MAGI2: variants seen among roughly 807,000 people sequenced by gnomAD.
The protein encoded by MAGI2 is membrane associated guanylate kinase, WW and PDZ domain containing 2.
In MAGI2, 35 loss-of-function variants were observed where a neutral mutation model predicts 133.3. The ratio of observed to expected loss-of-function variants is 0.26; its 90% CI spans 0.20 to 0.35. MAGI2 has a LOEUF of 0.35. Among genes scored for constraint, MAGI2 ranks in the 10% least tolerant of loss-of-function variants. MAGI2 has a pLI of 1.00. For missense variants in MAGI2, 1,636 were observed against 1,863.4 expected (o/e 0.88, Z 2.25); for synonymous variants, 729 against 710.6 (o/e 1.03, Z -0.41).
At chr7:79,174,559 AT>A (rs1292448604) in intron 1 of MAGI2, among the ~76,000 whole-genome samples, 2 of 151,140 alleles carry the variant, frequency 1.3e-5, no homozygotes, top group South Asian at 2.1e-4. Context: ...TTGGCAATCA[AT>A]TTTTTTTTAA....
At chr7:78,588,564 C>T (rs1239592120) in intron 3 of MAGI2, among the ~76,000 whole-genome samples, 1 of 152,182 alleles carries the variant, frequency 6.6e-6, no homozygotes, top group Admixed American at 6.5e-5. Context: ...CAGGTGCATT[C>T]ATGCCCAACC....
At chr7:79,007,027 T>C (rs1807523274) in intron 2 of MAGI2, 63 bp downstream of exon 2, 2 of 1,178,676 alleles carry the variant, frequency 1.7e-6, no homozygotes, top group East Asian at 2.6e-5. Context: ...TTTTAATCAA[T>C]GAATATATAG....
intron 1 of MAGI2, among the ~76,000 whole-genome samples, chr7:79,228,370 A>T (rs1831057452): frequency 6.8e-6 from 1 of 147,256 alleles, no homozygotes; most frequent in Non-Finnish European, 1.5e-5. Flanking sequence ...AAAAAAAAAA[A>T]GATCGTGGGA....
intron 1 of MAGI2, among the ~76,000 whole-genome samples, chr7:79,276,801 A>C (rs1336179197): frequency 6.6e-6 from 1 of 152,014 alleles, no homozygotes; most frequent in Non-Finnish European, 1.5e-5. Context: ...TCATCTTTAC[A>C]AAAAAATTCA....
chr7:78,393,930 A>G (rs747020632), intron 6 of MAGI2, among the ~76,000 whole-genome samples: 13 of 152,232 alleles, frequency 8.5e-5, no homozygotes, highest in Non-Finnish European at 1.9e-4. Flanking sequence ...TGGTAAACAT[A>G]AATGATTTTT....
intron 2 of MAGI2, among the ~76,000 whole-genome samples, chr7:78,957,810 C>T (rs867694444): frequency 6.6e-6 from 1 of 152,262 alleles, no homozygotes; most frequent in South Asian, 2.1e-4. Flanking sequence ...GTTGCTACCT[C>T]TCAACATGTA....
chr7:78,556,904 T>C (rs1038309661), intron 3 of MAGI2, among the ~76,000 whole-genome samples: 21 of 145,656 alleles, frequency 1.4e-4, no homozygotes, highest in Admixed American at 1.1e-3. Flanking sequence ...CTGGCTAACA[T>C]GGTGAAACCC....
chr7:78,623,697 G>C (rs563900227), intron 3 of MAGI2, among the ~76,000 whole-genome samples: 1 of 152,220 alleles, frequency 6.6e-6, no homozygotes, highest in Admixed American at 6.6e-5. Flanking sequence ...AATGCTAATG[G>C]AAGAGATTTT....
chr7:78,114,526 A>G (rs1819667817), intron 20 of MAGI2, among the ~76,000 whole-genome samples: 1 of 152,222 alleles, frequency 6.6e-6, no homozygotes, highest in Admixed American at 6.5e-5. Context: ...AGCTATGAAG[A>G]AGCTCCTCCC....
intron 3 of MAGI2, among the ~76,000 whole-genome samples, chr7:78,535,999 A>T (rs1797867060): frequency 1.3e-5 from 2 of 149,436 alleles, no homozygotes; most frequent in African/African-American, 5.0e-5. Context: ...CCCTCTTCTC[A>T]CCAAATTATT....
chr7:78,438,206 A>T (rs1329498355), intron 6 of MAGI2, among the ~76,000 whole-genome samples: 1 of 152,120 alleles, frequency 6.6e-6, no homozygotes, highest in East Asian at 1.9e-4. Context: ...CTATACTATC[A>T]AACTTCTCCA....
At chr7:78,281,648 C>T (rs574141055) in intron 9 of MAGI2, among the ~76,000 whole-genome samples, 1 of 152,184 alleles carries the variant, frequency 6.6e-6, no homozygotes, top group South Asian at 2.1e-4. Context: ...CTCTCTCATT[C>T]TAAATACAGT....
At chr7:79,231,279 CT>C (rs1397721045) in intron 1 of MAGI2, among the ~76,000 whole-genome samples, 1,097 of 73,402 alleles carry the variant, frequency 0.015, 55 homozygotes, top group African/African-American at 0.043. Flanking sequence ...GATGCGGGCT[CT>C]TTTTTGGTTC....
chr7:78,637,197 G>A (rs868369463), intron 2 of MAGI2, among the ~76,000 whole-genome samples: 10 of 152,270 alleles, frequency 6.6e-5, no homozygotes, highest in Admixed American at 6.5e-5. Flanking sequence ...TTCATTTTCT[G>A]GTGCATAGAT....
intron 2 of MAGI2, among the ~76,000 whole-genome samples, chr7:78,924,272 C>A (rs954307936): frequency 3.3e-5 from 5 of 152,028 alleles, no homozygotes; most frequent in Non-Finnish European, 7.3e-5. Flanking sequence ...TGTGTTGTGC[C>A]AGTTTTCAAA....
chr7:78,894,296 G>A (rs1797025178), intron 2 of MAGI2, among the ~76,000 whole-genome samples: 2 of 152,134 alleles, frequency 1.3e-5, no homozygotes, highest in South Asian at 4.1e-4. Flanking sequence ...CAGCTACTCC[G>A]GAGGCTGAGG....
chr7:78,583,409 A>T, intron 3 of MAGI2: 1 of 204,810 alleles, frequency 4.9e-6, no homozygotes. Context: ...GAGGAAGGTG[A>T]ATCGCGTGAA....
intron 1 of MAGI2, among the ~76,000 whole-genome samples, chr7:79,215,771 A>G (rs1829978330): frequency 6.6e-6 from 1 of 151,940 alleles, no homozygotes; most frequent in African/African-American, 2.4e-5. Flanking sequence ...CTGTAACTCA[A>G]CCACCTTGGG....
intron 15 of MAGI2, among the ~76,000 whole-genome samples, chr7:78,160,566 C>A (rs1397786262): frequency 1.3e-5 from 2 of 152,214 alleles, no homozygotes; most frequent in Non-Finnish European, 1.5e-5. Flanking sequence ...ACCCCTGGGA[C>A]AATGCCTAGT....
Sources: gnomAD v4.1 joint callset for allele counts (sites outside exome capture counted in the v4.1 genomes callset) on GRCh38, gnomAD v4.1.1 for gene constraint, MANE v1.5 for transcripts, NCBI Gene and HGNC (gene_info 2026-07-23, HGNC 2026-07-21) for gene names.